Variants in NCR1 observed in about 807,000 individuals in gnomAD.
The protein encoded by NCR1 is natural cytotoxicity triggering receptor 1.
NCR1 carries 30 observed loss-of-function variants against 32.5 expected under a neutral mutation model. That is an observed-to-expected ratio of 0.92 (90% confidence interval 0.69 to 1.25). NCR1 has a LOEUF of 1.25. NCR1 is among the 50% of genes most tolerant of loss of function. NCR1 has a pLI of 0.00. For missense variants in NCR1, 369 were observed against 380.7 expected (o/e 0.97, Z 0.26); for synonymous variants, 169 against 143.4 (o/e 1.18, Z -1.28).
intron 3 of NCR1, among the ~76,000 whole-genome samples, chr19:54,908,548 T>C (rs1488722916): frequency 6.6e-6 from 1 of 151,524 alleles, no homozygotes; most frequent in African/African-American, 2.4e-5. Flanking sequence ...GCTCCTCACT[T>C]CCCAGACGGG....
intron 3 of NCR1, among the ~76,000 whole-genome samples, chr19:54,908,541 C>T (rs2067759919): frequency 6.6e-6 from 1 of 152,106 alleles, no homozygotes; most frequent in Non-Finnish European, 1.5e-5. Flanking sequence ...CAGAGGGGCT[C>T]CTCACTTCCC....
downstream of NCR1, among the ~76,000 whole-genome samples, chr19:54,918,419 C>T (rs972236658): frequency 1.3e-5 from 2 of 152,104 alleles, no homozygotes; most frequent in African/African-American, 4.8e-5. Context: ...CAGACACCCA[C>T]TACCATGCCT....
At chr19:54,934,839 A>AGCTGGG in the NCR1 span, among the ~76,000 whole-genome samples, 1 of 151,836 alleles carries the variant, frequency 6.6e-6, no homozygotes, top group Non-Finnish European at 1.5e-5. This position sits in a 1 kb window ranked among gnomAD's most constrained non-coding sequence, Gnocchi z 6.7. Flanking sequence ...CCTCCGAAGT[A>AGCTGGG]GCTGGGATTA....
chr19:54,924,816 A>G, the NCR1 span, among the ~76,000 whole-genome samples: 1 of 152,064 alleles, frequency 6.6e-6, no homozygotes. Flanking sequence ...GACAACTGTA[A>G]TACCAGCTAC....
At chr19:54,935,684 CTG>C in the NCR1 span, among the ~76,000 whole-genome samples, 2 of 136,726 alleles carry the variant, frequency 1.5e-5, no homozygotes, top group African/African-American at 6.1e-5. Flanking sequence ...AAGAATAAAA[CTG>C]TCTCAAAGAA....
upstream of NCR1, among the ~76,000 whole-genome samples, chr19:54,903,612 A>G (rs1036264841): frequency 5.4e-5 from 8 of 148,732 alleles, no homozygotes; most frequent in Non-Finnish European, 8.9e-5. Context: ...ATGCATGTGT[A>G]TATATACATG....
chr19:54,908,376 A>G (rs1197926356), intron 3 of NCR1, among the ~76,000 whole-genome samples: 2 of 152,170 alleles, frequency 1.3e-5, no homozygotes, highest in South Asian at 2.1e-4. Context: ...GGAGTCTCCT[A>G]TGTCTACTTC....
At chr19:54,912,591 C>CTCTG in intron 6 of NCR1, 99 bp from the exon 7 acceptor site, 1 of 903,708 alleles carries the variant, frequency 1.1e-6, no homozygotes, top group Admixed American at 3.2e-5. Flanking sequence ...AAGACTGAGG[C>CTCTG]TCTGTCTCAA....
At chr19:54,903,781 C>T (rs2067381457), upstream of NCR1, among the ~76,000 whole-genome samples, 1 of 151,486 alleles carries the variant, frequency 6.6e-6, no homozygotes, top group Admixed American at 6.6e-5. Context: ...TTAACAACTT[C>T]TGCATAGAAT....
rs770076207 is a variant in NCR1 at position 54,912,689 on chromosome 19, G to C, written c.734-1G>C. 6.4e-7 allele frequency: 1 copy of C among 1,552,212 alleles called. No individual in the cohort carries two copies. Among genetic ancestry groups the C allele is most frequent in the East Asian group, 2.3e-5 (1 of 43,164 alleles). The stretch of plus-strand genomic sequence containing the variant: ...CGATCACCCTGTTCTCCTGCCTACA[G>C]ACCATGCCCTCTGGGATCACACTGC... On this transcript the variant is annotated splice_acceptor_variant, in intron 6 of 6. Coordinates refer to ENST00000291890, the MANE Select transcript of NCR1 (RefSeq NM_004829.7). LOFTEE classifies it high-confidence loss of function.
At chr19:54,924,656 T>C in the NCR1 span, among the ~76,000 whole-genome samples, 1 of 151,762 alleles carries the variant, frequency 6.6e-6, no homozygotes, top group Non-Finnish European at 1.5e-5. Context: ...ATAATCAGGC[T>C]GGTGCACGGT....
Position 54,909,358 on chromosome 19 carries a change from A to C in NCR1, c.469A>C (p.Lys157Gln), listed in dbSNP as rs769525855. Residue 157 changes from lysine (K) to glutamine (Q), a missense_variant, in exon 4 of 7, where the codon AAG becomes CAG. Physicochemically the swap from Lys to Gln is moderately conservative, Grantham distance 53. Transcript: ENST00000291890. Reference sequence around the variant, plus strand: ...TGCAACAAGCATGTTCTTACTGCTCAAGGAGGGAAGATCCAGCCACGTACA... The same window carrying C: ...TGCAACAAGCATGTTCTTACTGCTCCAGGAGGGAAGATCCAGCCACGTACA... ...DTATSMFLLL[K>Q]EGRSSHVQRG... 2 of 1,614,092 alleles carry C rather than the reference A, an allele frequency of 1.2e-6. No individual in the cohort carries two copies. The highest frequency in any genetic ancestry group is 4.5e-5 in the East Asian group (2 of 44,878).
chr19:54,933,851 C>T, the NCR1 span: 20 of 931,258 alleles, frequency 2.1e-5, no homozygotes, highest in Non-Finnish European at 3.0e-5. Flanking sequence ...CTGTTCATCC[C>T]CTGCCCTCTG....
chr19:54,932,766 C>T, the NCR1 span, among the ~76,000 whole-genome samples: 1 of 151,954 alleles, frequency 6.6e-6, no homozygotes, highest in African/African-American at 2.4e-5. Context: ...AGCGATTCTC[C>T]TACCTCAGCC....
chr19:54,927,166 C>T, the NCR1 span, among the ~76,000 whole-genome samples: 2 of 150,216 alleles, frequency 1.3e-5, no homozygotes, highest in South Asian at 2.1e-4. Flanking sequence ...AGGCAGGTGG[C>T]TCACCTGAGG....
intron 5 of NCR1, 83 bp downstream of exon 5, chr19:54,910,148 T>G: frequency 1.4e-6 from 2 of 1,399,786 alleles, no homozygotes; most frequent in South Asian, 2.4e-5. Context: ...TTCAAAATAT[T>G]CATCGAGGCC....
upstream of NCR1, among the ~76,000 whole-genome samples, chr19:54,902,881 G>A (rs1324931427): frequency 6.6e-6 from 1 of 152,114 alleles, no homozygotes; most frequent in African/African-American, 2.4e-5. Flanking sequence ...TGTAATCCCA[G>A]CACTTTGGGA....
intron 3 of NCR1, among the ~76,000 whole-genome samples, 176 bp from the exon 4 acceptor site, chr19:54,909,069 G>C (rs1480325418): frequency 2.6e-5 from 4 of 151,538 alleles, no homozygotes; most frequent in African/African-American, 9.7e-5. Context: ...ACTTGGGAGG[G>C]TGAGGCAGGA....
the NCR1 span, chr19:54,938,154 T>G: frequency 1.2e-6 from 2 of 1,613,890 alleles, no homozygotes; most frequent in African/African-American, 2.7e-5. Flanking sequence ...GGTTGCTGTT[T>G]GAGCTGAAGA....
Sources: gnomAD v4.1 joint callset for allele counts (sites outside exome capture counted in the v4.1 genomes callset) on GRCh38, gnomAD v4.1.1 for gene constraint, Gnocchi (gnomAD v3.1) non-coding constraint, MANE v1.5 for transcripts, NCBI Gene and HGNC (gene_info 2026-07-23, HGNC 2026-07-21) for gene names.